ABCB5: variants seen among roughly 807,000 people sequenced by gnomAD.
ABCB5 encodes ATP binding cassette subfamily B member 5.
ABCB5 carries 155 observed loss-of-function variants against 144.2 expected under a neutral mutation model. The ratio of observed to expected loss-of-function variants is 1.08; its 90% CI spans 0.94 to 1.23. The LOEUF is 1.23. ABCB5 is among the 50% of genes most tolerant of loss of function. The pLI is 0.00. For synonymous variants in ABCB5, 610 were observed against 528.6 expected (o/e 1.15, Z -2.11); for missense variants, 1,830 against 1,520.8 (o/e 1.20, Z -3.38).
chr7:20,701,880 A>G (rs1214269043), intron 19 of ABCB5, among the ~76,000 whole-genome samples: 1 of 152,234 alleles, frequency 6.6e-6, no homozygotes, highest in Non-Finnish European at 1.5e-5. Context: ...GAAGACTAGT[A>G]TATTTAGCCC....
At chr7:20,719,931 G>A (rs1781807032) in intron 20 of ABCB5, among the ~76,000 whole-genome samples, 1 of 132,966 alleles carries the variant, frequency 7.5e-6, no homozygotes, top group Non-Finnish European at 1.6e-5. Flanking sequence ...ATGTGTGTTT[G>A]TACCTATCAA....
At chr7:20,640,387 T>C (rs540867953) in intron 5 of ABCB5, among the ~76,000 whole-genome samples, 15 of 152,278 alleles carry the variant, frequency 9.9e-5, no homozygotes, top group African/African-American at 3.4e-4. Context: ...TAATGTGTGT[T>C]GGTGATTCTT....
intron 5 of ABCB5, 68 bp from the exon 6 acceptor site, chr7:20,643,116 A>AT (rs1309745752): frequency 1.5e-6 from 2 of 1,372,218 alleles, no homozygotes; most frequent in Non-Finnish European, 2.0e-6. Context: ...ACTGTGATCG[A>AT]TTTTTTATGT....
In ABCB5 at chr7:20,646,103, G is replaced by T. The variant is rs1006571351; in HGVS notation, c.946G>T (p.Gly316Ter). 16 of 1,613,512 alleles carry T rather than the reference G, an allele frequency of 9.9e-6. No individual in the cohort carries two copies. The highest frequency in any genetic ancestry group is 1.4e-5 in the Non-Finnish European group (16 of 1,179,736). The change falls in exon 9 of 28, where the codon GGA (glycine) becomes TGA (stop). Residue 316 changes from glycine to a stop codon, truncating the protein, a stop_gained. Transcript: ENST00000404938. LOFTEE classifies it high-confidence loss of function. ...FWYGTSLILN[G>*]EPGYTIGTVL... ...GTATGGAACCTCCTTGATTCTTAATGGAGAACCTGGATATACCATCGGGAC... is the reference window on the plus strand; with the variant it reads ...GTATGGAACCTCCTTGATTCTTAATTGAGAACCTGGATATACCATCGGGAC...
chr7:20,731,771 A>G (rs4142217), intron 23 of ABCB5, among the ~76,000 whole-genome samples: 132,359 of 152,138 alleles, frequency 0.87, 57,919 homozygotes, highest in African/African-American at 0.97. Flanking sequence ...TTCTCTTGCC[A>G]TTGTCCACCA....
At chr7:20,654,517 C>T (rs1054887931) in intron 13 of ABCB5, among the ~76,000 whole-genome samples, 2 of 152,154 alleles carry the variant, frequency 1.3e-5, no homozygotes, top group African/African-American at 2.4e-5. Context: ...GGCATTTATA[C>T]GACATTCCAG....
At chr7:20,682,118 T>C (rs1785851291) in intron 15 of ABCB5, among the ~76,000 whole-genome samples, 1 of 152,056 alleles carries the variant, frequency 6.6e-6, no homozygotes, top group Admixed American at 6.6e-5. Flanking sequence ...GGCAAGCGAA[T>C]TGCTTGAACT....
rs1562573557 is a variant in ABCB5 at position 20,711,778 on chromosome 7, C to CTCTCTCTCTTTCTTTCTCTCTCTCTT, written c.2421+6974_2421+6975insCTCTCTTTCTTTCTCTCTCTCTTTCT. On this transcript the variant is annotated intron_variant, in intron 20 of 27. Transcript: ENST00000404938. ...CCAGCCTGCCTGCCTTTCCTTCTTT[C>CTCTCTCTCTTTCTTTCTCTCTCTCTT]TCTTTCTTTCTTTCTTTCTTTCTTT... Among the ~76,000 whole-genome samples, 32 of 47,146 alleles carry CTCTCTCTCTTTCTTTCTCTCTCTCTT rather than the reference C, an allele frequency of 6.8e-4. 1 individual carries two copies. The highest frequency in any genetic ancestry group is 4.5e-3 in the East Asian group (1 of 222). The allele number at this position is 47,146 out of a possible 152,430, so 30.9% of individuals were successfully genotyped here. A position where few individuals can be genotyped will look rare whatever the true frequency, so the allele number is the denominator to read the frequency against.
Position 20,616,994 on chromosome 7 carries a change from C to A in ABCB5, c.-22+1157C>A, listed in dbSNP as rs1783700506. Among the ~76,000 whole-genome samples, 5 of 152,222 alleles carry A rather than the reference C, an allele frequency of 3.3e-5. No homozygotes were observed. The South Asian group carries it at 1.0e-3, about 31-fold the overall frequency. ...TTTATAATTCAGATTGCAGCTTAAA[C>A]ATTATCTTCTACAAGGGGCTTTCTC... On this transcript the variant is annotated intron_variant, in intron 1 of 27. Coordinates refer to ENST00000404938, the MANE Select transcript of ABCB5 (RefSeq NM_001163941.2).
intron 7 of ABCB5, 63 bp from the exon 8 acceptor site, chr7:20,645,693 A>C: frequency 6.4e-7 from 1 of 1,563,272 alleles, no homozygotes; most frequent in Non-Finnish European, 8.7e-7. Context: ...TGCCTGACTT[A>C]AATGTTCAGA....
At chr7:20,719,103 T>C (rs1443441579) in intron 20 of ABCB5, among the ~76,000 whole-genome samples, 2 of 152,204 alleles carry the variant, frequency 1.3e-5, no homozygotes, top group Non-Finnish European at 2.9e-5. Context: ...TGTGTATAAG[T>C]ATTTATGTCT....
At chr7:20,622,602 C>A (rs901181850) in intron 1 of ABCB5, among the ~76,000 whole-genome samples, 1 of 152,048 alleles carries the variant, frequency 6.6e-6, no homozygotes, top group Non-Finnish European at 1.5e-5. Context: ...ACAACTGAGA[C>A]TGAGTCACAA....
At chr7:20,655,487 C>T (rs1416688393) in intron 13 of ABCB5, among the ~76,000 whole-genome samples, 1 of 151,798 alleles carries the variant, frequency 6.6e-6, no homozygotes, top group Non-Finnish European at 1.5e-5. Context: ...CACCTCCCCC[C>T]AGCCCCCCAA....
intron 14 of ABCB5, among the ~76,000 whole-genome samples, chr7:20,679,485 A>AAAAAG (rs1396302002): frequency 2.0e-5 from 3 of 147,526 alleles, no homozygotes; most frequent in African/African-American, 5.2e-5. Context: ...AAAAAAAAAA[A>AAAAAG]AGAGAGAGAG....
In ABCB5 at chr7:20,658,396, G is replaced by A. The variant is rs1243301933; in HGVS notation, c.1537-110G>A. ...CAAAAGACATAAGCACCCAGAGGCT[G>A]AAGTACTGATTAAGCTGATATTAAA... On this transcript the variant is annotated intron_variant, in intron 13 of 27. Transcript: ENST00000404938. 4.1e-6 allele frequency: 4 copies of A among 968,872 alleles called. No homozygotes were observed. The Admixed American group carries it at 1.1e-4, about 26-fold the overall frequency. The allele number at this position is 968,872 out of a possible 1,614,324, so 60.0% of individuals were successfully genotyped here. A position where few individuals can be genotyped will look rare whatever the true frequency, so the allele number is the denominator to read the frequency against.
At chr7:20,732,752 G>A (rs939293458) in intron 23 of ABCB5, among the ~76,000 whole-genome samples, 2 of 152,198 alleles carry the variant, frequency 1.3e-5, no homozygotes, top group Admixed American at 6.5e-5. Flanking sequence ...TATAAAATAT[G>A]ATGTGTGGAA....
Position 20,700,456 on chromosome 7 carries a change from G to A in ABCB5, c.2337+321G>A, listed in dbSNP as rs549399145. Among the ~76,000 whole-genome samples the A allele has an allele frequency of 3.3e-5, 5 of 152,294 alleles. No homozygotes were observed. The South Asian group carries it at 1.0e-3, about 32-fold the overall frequency. ...CAGAACGGAAGGCCAAATTAAAAAG[G>A]AGAAGTAAGAGCTACCATATCTTGG... On this transcript the variant is annotated intron_variant, in intron 19 of 27. Coordinates refer to ENST00000404938, the MANE Select transcript of ABCB5 (RefSeq NM_001163941.2).
intron 7 of ABCB5, among the ~76,000 whole-genome samples, chr7:20,643,936 GT>G (rs2128023134): frequency 6.6e-6 from 1 of 152,308 alleles, no homozygotes; most frequent in African/African-American, 2.4e-5. Context: ...TACATGTGAT[GT>G]TTAGTTGTTG....
chr7:20,687,500 A>G (rs985622736), intron 16 of ABCB5, among the ~76,000 whole-genome samples: 1 of 152,232 alleles, frequency 6.6e-6, no homozygotes, highest in Non-Finnish European at 1.5e-5. Context: ...GAGCTGGACA[A>G]TAGTCACAGA....
Sources: allele counts gnomAD v4.1 joint callset (sites outside exome capture counted in the v4.1 genomes callset), GRCh38; gene constraint gnomAD v4.1.1; transcripts MANE v1.5; gene names NCBI Gene and HGNC (gene_info 2026-07-23, HGNC 2026-07-21).